ADAMTS2: variants seen among roughly 807,000 people sequenced by gnomAD.
The protein encoded by ADAMTS2 is A disintegrin and metalloproteinase with thrombospondin motifs 2.
Under a neutral mutation model 123.0 loss-of-function variants are expected in ADAMTS2, and 50 were observed. That is an observed-to-expected ratio of 0.41 (90% CI 0.32 to 0.51). The LOEUF (loss-of-function observed/expected upper bound fraction) is 0.51, where lower values mean the gene tolerates loss of function less well. ADAMTS2 is among the 20% of genes least tolerant of loss of function. The probability of loss-of-function intolerance (pLI) is 0.35; values close to 1 mark genes in which losing one functional copy is unlikely to be tolerated. For synonymous variants in ADAMTS2, 678 were observed against 695.4 expected, an observed-to-expected ratio of 0.98 and a Z score of 0.39; for missense variants, 1,494 against 1,705.2, an observed-to-expected ratio of 0.88 and a Z score of 2.18.
chr5:179,337,458 A>G (rs746417186), intron 2 of ADAMTS2, among the ~76,000 whole-genome samples: 42 of 152,202 alleles, frequency 2.8e-4, no homozygotes, highest in Non-Finnish European at 5.3e-4. Flanking sequence ...GTACTCCTAC[A>G]TGCAAGACAT....
intron 5 of ADAMTS2, among the ~76,000 whole-genome samples, chr5:179,161,020 T>C (rs1405526804): frequency 6.6e-6 from 1 of 152,182 alleles, no homozygotes; most frequent in Non-Finnish European, 1.5e-5. Context: ...CAACCCACAT[T>C]GAACATACAG....
intron 2 of ADAMTS2, among the ~76,000 whole-genome samples, chr5:179,316,044 G>A (rs555363254): frequency 5.3e-5 from 8 of 152,326 alleles, no homozygotes; most frequent in Admixed American, 2.0e-4. Context: ...CTAGACCCAC[G>A]ATAATGAAAC....
In ADAMTS2 at chr5:179,285,842, T is replaced by C. The variant is rs908808511; in HGVS notation, c.535-12778A>G. On this transcript the variant is annotated intron_variant, in intron 2 of 21. Transcript: ENST00000251582. The surrounding 1 kb of genome is among the most constrained non-coding windows in gnomAD (Gnocchi z 4.9). ...TTCTGAGCTTCCATGTCTCACCAGC[T>C]GGACCACAGCAGATTGTGGCCTTGA... is the stretch of plus-strand genomic sequence containing the variant. 6.6e-6 allele frequency among the ~76,000 whole-genome samples: 1 copy of C among 152,222 alleles called. No homozygotes were observed. The highest frequency in any genetic ancestry group is 2.4e-5 in the African/African-American group (1 of 41,464).
At chr5:179,301,837 G>A (rs1399522643) in intron 2 of ADAMTS2, among the ~76,000 whole-genome samples, 2 of 152,288 alleles carry the variant, frequency 1.3e-5, no homozygotes, top group East Asian at 3.9e-4. Flanking sequence ...AGCGTGTGAA[G>A]AAGGAGTGCA....
rs569947420 is a variant in ADAMTS2, at chr5:179,162,380, G to A, written c.976-3501C>T. Among the ~76,000 whole-genome samples, 154 of 152,256 alleles carry A rather than the reference G, an allele frequency of 1.0e-3. 1 individual carries two copies. Among genetic ancestry groups the A allele is most frequent in the African/African-American group, 3.6e-3 (150 of 41,562 alleles). On this transcript the variant is annotated intron_variant, in intron 5 of 21. Coordinates refer to ENST00000251582, the MANE Select transcript of ADAMTS2 (RefSeq NM_014244.5). The surrounding 1 kb of genome is among the most constrained non-coding windows in gnomAD (Gnocchi z 5.1). ...GTGAGGTGGGGGGCCTGCAGCGGCT[G>A]GAGCCCCCCTGCACTACAGGAGACC...
At chr5:179,146,733 T>C (rs956545299) in intron 10 of ADAMTS2, among the ~76,000 whole-genome samples, 1 of 152,228 alleles carries the variant, frequency 6.6e-6, no homozygotes, top group African/African-American at 2.4e-5. Context: ...ATGAGCTTTT[T>C]GAAGTCAGAG....
rs1764264303 is a variant in ADAMTS2, at chr5:179,189,843, T to C, written c.892-8688A>G. Among the ~76,000 whole-genome samples the C allele has an allele frequency of 6.6e-6, 1 of 150,644 alleles. No individual in the cohort carries two copies. The highest frequency in any genetic ancestry group is 2.5e-5 in the African/African-American group (1 of 40,752). ...TGGGGGGAGAGAATATTACAAAGTA[T>C]CTTCTCAAGGGTGGGGAGGGTGTAT... On this transcript the variant is annotated intron_variant, in intron 4 of 21. Transcript: ENST00000251582. This position sits in a 1 kb window ranked among gnomAD's most constrained non-coding sequence, Gnocchi z 4.2.
intron 2 of ADAMTS2, among the ~76,000 whole-genome samples, chr5:179,309,610 T>A (rs1261176994): frequency 2.6e-5 from 4 of 151,728 alleles, no homozygotes; most frequent in African/African-American, 9.7e-5. Flanking sequence ...ACAAAAAAAA[T>A]AGCCACGCAT....
chr5:179,249,019 C>T (rs916408207), intron 3 of ADAMTS2, among the ~76,000 whole-genome samples: 1 of 152,112 alleles, frequency 6.6e-6, no homozygotes, highest in African/African-American at 2.4e-5. Flanking sequence ...CTTAAAGAGA[C>T]TGAAACCATA....
At chr5:179,125,950 G>GC (rs1762848114) in intron 18 of ADAMTS2, 48 bp downstream of exon 18, 1 of 1,611,384 alleles carries the variant, frequency 6.2e-7, no homozygotes, top group African/African-American at 1.3e-5. Flanking sequence ...GCCCCTGGTG[G>GC]CCCCTGGCCT....
chr5:179,311,994 G>A (rs1333666481), intron 2 of ADAMTS2, among the ~76,000 whole-genome samples: 1 of 152,196 alleles, frequency 6.6e-6, no homozygotes, highest in Non-Finnish European at 1.5e-5. Context: ...GGAGGGAGAA[G>A]GGGCATGGGA....
At chr5:179,240,942 A>C (rs1003374719) in intron 3 of ADAMTS2, among the ~76,000 whole-genome samples, 55 of 152,342 alleles carry the variant, frequency 3.6e-4, no homozygotes, top group African/African-American at 1.3e-3. Context: ...CGCAGAAGAC[A>C]ACGTTAATGA....
chr5:179,282,205 A>T (rs1350237225), intron 2 of ADAMTS2, among the ~76,000 whole-genome samples: 1 of 152,198 alleles, frequency 6.6e-6, no homozygotes, highest in Admixed American at 6.5e-5. Context: ...CATATCTAAG[A>T]CTTTGCCTAA....
intron 10 of ADAMTS2, among the ~76,000 whole-genome samples, chr5:179,144,267 C>T (rs548613539): frequency 6.6e-6 from 1 of 152,194 alleles, no homozygotes; most frequent in African/African-American, 2.4e-5. Context: ...TACAATACAT[C>T]ATTGAAAGAA....
intron 2 of ADAMTS2, among the ~76,000 whole-genome samples, chr5:179,300,528 A>G (rs1171317666): frequency 6.6e-6 from 1 of 152,222 alleles, no homozygotes; most frequent in Non-Finnish European, 1.5e-5. Flanking sequence ...GCACCCATTG[A>G]TGTCTTTGCA....
chr5:179,182,741 T>C (rs1449951001), intron 4 of ADAMTS2, among the ~76,000 whole-genome samples: 1 of 152,066 alleles, frequency 6.6e-6, no homozygotes, highest in East Asian at 1.9e-4. Context: ...CACCTCTCTT[T>C]CCTATAGGCA....
intron 2 of ADAMTS2, among the ~76,000 whole-genome samples, chr5:179,320,149 G>A (rs982178159): frequency 6.6e-6 from 1 of 152,210 alleles, no homozygotes; most frequent in Admixed American, 6.5e-5. Flanking sequence ...GGGAGGCCAC[G>A]GAGGAAATTC....
chr5:179,241,194 C>CCA (rs1189165176), intron 3 of ADAMTS2, among the ~76,000 whole-genome samples: 1 of 152,182 alleles, frequency 6.6e-6, no homozygotes, highest in African/African-American at 2.4e-5. Flanking sequence ...GGAGGCCATG[C>CCA]CACTGCCTTG....
chr5:179,334,232 C>G (rs1456117302), intron 2 of ADAMTS2, among the ~76,000 whole-genome samples: 2 of 152,176 alleles, frequency 1.3e-5, no homozygotes, highest in Admixed American at 1.3e-4. Flanking sequence ...CTGGCTCCCC[C>G]ACCTTCTGCA....
Sources: gnomAD v4.1 joint callset for allele counts (sites outside exome capture counted in the v4.1 genomes callset) on GRCh38, gnomAD v4.1.1 for gene constraint, Gnocchi (gnomAD v3.1) non-coding constraint, MANE v1.5 for transcripts, NCBI Gene and HGNC (gene_info 2026-07-23, HGNC 2026-07-21) for gene names.